Variants in EPSTI1 observed in about 807,000 individuals in gnomAD.
The protein encoded by EPSTI1 is epithelial stromal interaction 1.
In EPSTI1, 66 loss-of-function variants were observed where a neutral mutation model predicts 49.9. That is an observed-to-expected ratio of 1.32 (90% CI 1.08 to 1.62). EPSTI1 has a LOEUF of 1.62. Ranked by LOEUF, EPSTI1 falls within the 40% of genes most tolerant of loss-of-function variation. The pLI is 0.00. For synonymous variants in EPSTI1, 137 were observed against 130.7 expected (o/e 1.05, Z -0.33); for missense variants, 394 against 365.5 (o/e 1.08, Z -0.64).
chr13:42,907,140 C>G (rs1326201020), intron 8 of EPSTI1, among the ~76,000 whole-genome samples: 1 of 152,152 alleles, frequency 6.6e-6, no homozygotes, highest in East Asian at 1.9e-4. Context: ...ATCATTTTAA[C>G]AGAGAGAGAA....
intron 5 of EPSTI1, among the ~76,000 whole-genome samples, chr13:42,956,191 T>A (rs1346561163): frequency 6.6e-6 from 1 of 152,188 alleles, no homozygotes; most frequent in Non-Finnish European, 1.5e-5. Flanking sequence ...CAATGCCTAC[T>A]TAATGTTAGA....
intron 6 of EPSTI1, among the ~76,000 whole-genome samples, chr13:42,928,779 C>T (rs1181319658): frequency 6.6e-6 from 1 of 152,164 alleles, no homozygotes; most frequent in Non-Finnish European, 1.5e-5. Flanking sequence ...TCCTAGCCTC[C>T]CTTGCAGCTA....
At chr13:42,891,555 G>T (rs570778599) in intron 10 of EPSTI1, among the ~76,000 whole-genome samples, 11 of 152,164 alleles carry the variant, frequency 7.2e-5, no homozygotes, top group Admixed American at 5.9e-4. Flanking sequence ...AAGTCTGCTT[G>T]GTTGTCTTTC....
At chr13:42,963,950 A>G (rs1456863821) in intron 4 of EPSTI1, 116 bp downstream of exon 4, 1 of 840,406 alleles carries the variant, frequency 1.2e-6, no homozygotes, top group African/African-American at 1.8e-5. Context: ...TGCCTTTTGC[A>G]ACTGGTTGGA....
intron 1 of EPSTI1, 23 bp downstream of exon 1, chr13:42,991,955 A>C: frequency 6.2e-7 from 1 of 1,612,176 alleles, no homozygotes; most frequent in Non-Finnish European, 8.5e-7. Flanking sequence ...CCCGCCCCGA[A>C]GCCAGGTTGT....
intron 1 of EPSTI1, among the ~76,000 whole-genome samples, chr13:42,986,751 A>C (rs1488212492): frequency 6.7e-6 from 1 of 150,040 alleles, no homozygotes; most frequent in Non-Finnish European, 1.5e-5. Context: ...TCTCAAAAAA[A>C]AAAAAAAAAA....
Position 42,979,720 on chromosome 13 carries a change from C to T in EPSTI1, c.189-9050G>A, listed in dbSNP as rs79019312. On this transcript the variant is annotated intron_variant, in intron 1 of 10. Transcript: ENST00000313624. Reference sequence around the variant, plus strand: ...ATGTTTTCCCACATTTGCTTTTTCTCTTTTAACCATATGAAAATAAGCTGC... The same window carrying T: ...ATGTTTTCCCACATTTGCTTTTTCTTTTTTAACCATATGAAAATAAGCTGC... Among the ~76,000 whole-genome samples the T allele has an allele frequency of 6.5e-3, 983 of 151,888 alleles. 10 individuals are homozygous for T. The highest frequency in any genetic ancestry group is 0.022 in the African/African-American group (932 of 41,438).
In EPSTI1 at chr13:42,926,260, C is replaced by G. The variant is rs1015640800; in HGVS notation, c.657+76G>C. On this transcript the variant is annotated intron_variant, in intron 7 of 10. Transcript: ENST00000313624. ...AGCATTCTATGATGTACAAGTCACT[C>G]TATATCCCTCATCTTCAGTCACTAA... 3 of 873,284 alleles carry G rather than the reference C, an allele frequency of 3.4e-6. No individual in the cohort carries two copies. The Admixed American group carries it at 5.1e-5, about 15-fold the overall frequency. 54.1% of individuals were successfully genotyped at this position (873,284 alleles called of 1,614,324 possible).
chr13:42,957,723 G>A (rs1291507789), intron 5 of EPSTI1, among the ~76,000 whole-genome samples: 4 of 152,026 alleles, frequency 2.6e-5, no homozygotes, highest in East Asian at 1.9e-4. Flanking sequence ...TTACAGGTAC[G>A]TACCACCACA....
At chr13:42,911,010 G>A (rs1444013007) in intron 8 of EPSTI1, among the ~76,000 whole-genome samples, 1 of 152,150 alleles carries the variant, frequency 6.6e-6, no homozygotes, top group Non-Finnish European at 1.5e-5. Flanking sequence ...GTCTTTTTGT[G>A]TAACTAAAGA....
intron 6 of EPSTI1, among the ~76,000 whole-genome samples, chr13:42,933,433 A>G (rs1467067169): frequency 6.6e-6 from 1 of 151,978 alleles, no homozygotes; most frequent in Non-Finnish European, 1.5e-5. Context: ...TTCCATATAC[A>G]TATTCCTTGG....
At chr13:42,944,678 A>G (rs1197376627) in intron 6 of EPSTI1, among the ~76,000 whole-genome samples, 4 of 152,046 alleles carry the variant, frequency 2.6e-5, no homozygotes, top group African/African-American at 9.7e-5. Context: ...TAAAAAATAA[A>G]AATAAAAAAC....
At position 42,888,156 on chromosome 13, in the gene EPSTI1, A is replaced by G. The variant is rs553277154; in HGVS notation, c.*338T>C. On this transcript the variant is annotated 3_prime_UTR_variant, in exon 11 of 11. Coordinates refer to ENST00000313624, the MANE Select transcript of EPSTI1 (RefSeq NM_033255.5). The stretch of plus-strand genomic sequence containing the variant: ...ATAAGAATATGTCACTTAGAAAGAC[A>G]AGCCTGTAGCACCCATAGCTCTGAT... 6.4e-5 allele frequency: 91 copies of G among 1,415,618 alleles called. No individual in the cohort carries two copies. The African/African-American group carries it at 1.1e-3, about 18-fold the overall frequency. The allele number at this position is 1,415,618 out of a possible 1,614,324, so 87.7% of individuals were successfully genotyped here.
rs75759153 is a variant in EPSTI1, at chr13:42,911,678, G to A, written c.741+5863C>T. Among the ~76,000 whole-genome samples the A allele has an allele frequency of 1.6e-3, 244 of 152,132 alleles. 1 individual carries two copies. The highest frequency in any genetic ancestry group is 5.5e-3 in the African/African-American group (228 of 41,520). On this transcript the variant is annotated intron_variant, in intron 8 of 10. Transcript: ENST00000313624. ...GTTCTAGTCCCTCATTTCTAATGCC[G>A]TGTATTTGCATTTTTACTAATCTCT...
chr13:42,922,939 A>T lies in EPSTI1; in HGVS notation c.657+3397T>A, dbSNP rs1258825745. Among the ~76,000 whole-genome samples the T allele has an allele frequency of 6.6e-6, 1 of 152,176 alleles. No homozygotes were observed. Among genetic ancestry groups the T allele is most frequent in the Non-Finnish European group, 1.5e-5 (1 of 68,022 alleles). ...GCAGTGGGGCCTGAGATTGATCTGC[A>T]TCTAAATCTTTGCTCCTGATTTCAA... On this transcript the variant is annotated intron_variant, in intron 7 of 10. Transcript: ENST00000313624. The surrounding 1 kb of genome is among the most constrained non-coding windows in gnomAD (Gnocchi z 4.8).
intron 3 of EPSTI1, among the ~76,000 whole-genome samples, chr13:42,965,482 T>A (rs891326245): frequency 6.6e-6 from 1 of 152,150 alleles, no homozygotes; most frequent in African/African-American, 2.4e-5. Flanking sequence ...AAGCAGGATC[T>A]GCAAGGAGGT....
At chr13:42,937,496 CT>C (rs1259991405) in intron 6 of EPSTI1, among the ~76,000 whole-genome samples, 2 of 152,212 alleles carry the variant, frequency 1.3e-5, no homozygotes, top group Non-Finnish European at 2.9e-5. Context: ...CCTGCCACCA[CT>C]TTATCAGCTA....
chr13:42,900,334 T>C lies in EPSTI1; in HGVS notation c.791A>G (p.Lys264Arg). ...KRQQQEQERA[K>R]IHQTEHRRVN... ...CCTCCTGTGTTCAGTCTGGTGGATT[T>C]TGGCTCTTTCTTGCTCTTGCTGCTG... The change falls in exon 9 of 11, where the codon AAA becomes AGA. Residue 264 changes from lysine to arginine, a missense_variant. By Grantham distance (26) the Lys-to-Arg change is conservative. Coordinates refer to ENST00000313624, the MANE Select transcript of EPSTI1 (RefSeq NM_033255.5). 2 of 1,613,772 alleles carry C rather than the reference T, an allele frequency of 1.2e-6. No homozygotes were observed. The highest frequency in any genetic ancestry group is 2.7e-5 in the African/African-American group (2 of 75,028).
Position 42,892,529 on chromosome 13 carries a change from T to C in EPSTI1, c.915+2480A>G, listed in dbSNP as rs572582530. Among the ~76,000 whole-genome samples, 6 of 152,160 alleles carry C rather than the reference T, an allele frequency of 3.9e-5. No individual in the cohort carries two copies. The South Asian group carries it at 1.2e-3, about 32-fold the overall frequency. On this transcript the variant is annotated intron_variant, in intron 10 of 10. Transcript: ENST00000313624. The stretch of plus-strand genomic sequence containing the variant: ...TTGCACCGTTATGGAAACAGGAAAA[T>C]GTGCAGACAGAGCACTAGGGTAAAG...
Sources: gnomAD v4.1 joint callset for allele counts (sites outside exome capture counted in the v4.1 genomes callset) on GRCh38, gnomAD v4.1.1 for gene constraint, Gnocchi (gnomAD v3.1) non-coding constraint, MANE v1.5 for transcripts, NCBI Gene and HGNC (gene_info 2026-07-23, HGNC 2026-07-21) for gene names.